METTL21A: variants seen among roughly 807,000 people sequenced by gnomAD.
METTL21A encodes the protein protein N-lysine methyltransferase METTL21A.
A neutral mutation model predicts 20.9 loss-of-function variants in METTL21A; 22 were observed. That is an observed-to-expected ratio of 1.05 (90% confidence interval 0.75 to 1.50). METTL21A has a LOEUF of 1.50. Among genes scored for constraint, METTL21A ranks in the 40% most tolerant of loss-of-function variants. The pLI is 0.00. For missense variants in METTL21A, 271 were observed against 266.8 expected (o/e 1.02, Z -0.11); for synonymous variants, 93 against 102.0 (o/e 0.91, Z 0.53).
intron 1 of METTL21A, chr2:207,624,619 A>T: frequency 2.7e-6 from 1 of 370,920 alleles, no homozygotes; most frequent in South Asian, 4.0e-5. Flanking sequence ...GGGGAAGAAG[A>T]AAAAAAAAGC....
downstream of METTL21A, among the ~76,000 whole-genome samples, chr2:207,608,380 A>C (rs2088451491): frequency 6.6e-6 from 1 of 151,418 alleles, no homozygotes. Flanking sequence ...CAAGAAAATC[A>C]CTTGATTTTC....
At chr2:207,608,783 G>A (rs1255755224), downstream of METTL21A, among the ~76,000 whole-genome samples, 1 of 152,194 alleles carries the variant, frequency 6.6e-6, no homozygotes, top group South Asian at 2.1e-4. Context: ...AAAATTAGCC[G>A]GACCGTGGTG....
chr2:207,589,610 A>G (rs1030100313), intron 3 of METTL21A, among the ~76,000 whole-genome samples: 1 of 152,314 alleles, frequency 6.6e-6, no homozygotes, highest in Non-Finnish European at 1.5e-5. Flanking sequence ...AAAGCTCTTC[A>G]TTACATTTTT....
downstream of METTL21A, among the ~76,000 whole-genome samples, chr2:207,604,518 A>G (rs1321485518): frequency 1.3e-5 from 2 of 152,176 alleles, no homozygotes; most frequent in African/African-American, 4.8e-5. Flanking sequence ...ACCAAACCGG[A>G]TGAGAATTCT....
intron 3 of METTL21A, among the ~76,000 whole-genome samples, chr2:207,586,721 CCT>C (rs1330474058): frequency 3.3e-5 from 5 of 152,086 alleles, no homozygotes; most frequent in Admixed American, 6.5e-5. Flanking sequence ...AAACAAAAAT[CCT>C]ATTAAAAAGT....
intron 3 of METTL21A, among the ~76,000 whole-genome samples, chr2:207,591,365 A>G (rs1187626995): frequency 1.3e-5 from 2 of 152,178 alleles, no homozygotes; most frequent in African/African-American, 4.8e-5. Context: ...TTTATCCCTG[A>G]CAATATTCCT....
chr2:207,607,986 C>T (rs1015258446), downstream of METTL21A, among the ~76,000 whole-genome samples: 2 of 152,092 alleles, frequency 1.3e-5, no homozygotes, highest in Non-Finnish European at 2.9e-5. Context: ...CTCTCACACA[C>T]ACCCCACACC....
intron 3 of METTL21A, among the ~76,000 whole-genome samples, chr2:207,589,084 G>A (rs1416824758): frequency 6.6e-6 from 1 of 152,076 alleles, no homozygotes; most frequent in African/African-American, 2.4e-5. Context: ...CTTAGGGGGT[G>A]TATTAGTTTT....
intron 3 of METTL21A, chr2:207,600,267 ACAG>A: frequency 6.0e-6 from 1 of 167,956 alleles, no homozygotes; most frequent in East Asian, 1.1e-4. Flanking sequence ...ATATATACAT[ACAG>A]TATATAATCT....
chr2:207,623,323 C>G (rs532760904), intron 2 of METTL21A, among the ~76,000 whole-genome samples: 1 of 152,308 alleles, frequency 6.6e-6, no homozygotes, highest in East Asian at 1.9e-4. Context: ...ACATCCCTAA[C>G]AATGTTAAAA....
intron 3 of METTL21A, chr2:207,597,224 T>G: frequency 2.8e-6 from 2 of 709,822 alleles, no homozygotes; most frequent in Non-Finnish European, 4.3e-6. Flanking sequence ...TGCATTAAAC[T>G]GTGAATGTTC....
At chr2:207,608,564 T>C (rs144595577), downstream of METTL21A, among the ~76,000 whole-genome samples, 696 of 152,230 alleles carry the variant, frequency 4.6e-3, 1 homozygote, top group Middle Eastern at 0.017. Flanking sequence ...AGGGATATTA[T>C]TGAAGCTCCC....
downstream of METTL21A, chr2:207,581,485 T>G (rs1217139583): frequency 2.0e-5 from 4 of 203,552 alleles, no homozygotes; most frequent in Admixed American, 1.2e-4. Flanking sequence ...ATGTTCATTA[T>G]AAGTAAATTA....
chr2:207,581,915 A>G (rs1161352011), exon 4 of METTL21A: 1 of 702,966 alleles, frequency 1.4e-6, no homozygotes, highest in South Asian at 1.5e-5. Flanking sequence ...TTCTTTTAGA[A>G]TATCCCTCAG....
intron 2 of METTL21A, 131 bp downstream of exon 2, chr2:207,624,098 T>G: frequency 9.2e-7 from 1 of 1,088,800 alleles, no homozygotes; most frequent in South Asian, 1.8e-5. Flanking sequence ...CGCACTGAAT[T>G]GTGCACTTTA....
chr2:207,609,399 A>G (rs2088603506), downstream of METTL21A: 1 of 152,224 alleles, frequency 6.6e-6, no homozygotes, highest in Admixed American at 6.5e-5. Context: ...CTAAAACAAT[A>G]TAACAATCAT....
rs932983099 is a variant in METTL21A at position 207,597,606 on chromosome 2, A to G, written c.260-15446T>C. 3.8e-5 allele frequency: 8 copies of G among 209,070 alleles called. No individual in the cohort carries two copies. The East Asian group carries it at 5.8e-4, about 15-fold the overall frequency. The allele number at this position is 209,070 out of a possible 1,614,324, so 13.0% of individuals were successfully genotyped here. On this transcript the variant is annotated intron_variant, in intron 3 of 3. Coordinates refer to the METTL21A transcript ENST00000425132. ...AAAAAAGAACTTTAGCATGGTATTG[A>G]AGGAATTAGAAATGAATTTGGAGTG... is the stretch of plus-strand genomic sequence containing the variant.
chr2:207,592,404 CA>C (rs2085219387), intron 3 of METTL21A, among the ~76,000 whole-genome samples: 1 of 151,774 alleles, frequency 6.6e-6, no homozygotes. Flanking sequence ...GACTCCATCT[CA>C]AAAAATAAAA....
chr2:207,604,417 G>C (rs768798446), downstream of METTL21A, among the ~76,000 whole-genome samples: 10 of 152,172 alleles, frequency 6.6e-5, no homozygotes, highest in Admixed American at 1.3e-4. Context: ...AAATTGTTTA[G>C]GGGAAACCTA....
Sources: allele counts gnomAD v4.1 joint callset (sites outside exome capture counted in the v4.1 genomes callset), GRCh38; gene constraint gnomAD v4.1.1; transcripts MANE v1.5; gene names NCBI Gene and HGNC (gene_info 2026-07-23, HGNC 2026-07-21).